TRDN: variants seen among roughly 807,000 people sequenced by gnomAD.
TRDN encodes triadin, also known as triadin in skeletal muscle.
In TRDN, 161 loss-of-function variants were observed where a neutral mutation model predicts 149.7. The observed-to-expected ratio is 1.08, with a 90% CI of 0.95 to 1.23. The LOEUF is 1.23. Ranked by LOEUF, TRDN falls within the 50% of genes most tolerant of loss-of-function variation. TRDN has a pLI of 0.00. For synonymous variants in TRDN, 294 were observed against 250.5 expected, an observed-to-expected ratio of 1.17 and a Z score of -1.64; for missense variants, 896 against 823.5, an observed-to-expected ratio of 1.09 and a Z score of -1.08.
chr6:123,617,665 C>T lies in TRDN; in HGVS notation c.22+19089G>A, dbSNP rs949011927. On this transcript the variant is annotated intron_variant, in intron 1 of 40. Coordinates refer to ENST00000334268, the MANE Select transcript of TRDN (RefSeq NM_006073.4). The stretch of plus-strand genomic sequence containing the variant: ...TGATAAAGGAACTCCTTTTTAGTTT[C>T]AGATTGCTAATATAAAAGGGAGACT... 5.9e-5 allele frequency among the ~76,000 whole-genome samples: 9 copies of T among 152,192 alleles called. No individual in the cohort carries two copies. In the East Asian group the frequency reaches 1.7e-3, roughly 29 times the overall value.
chr6:123,595,120 C>A (rs1367676422), intron 1 of TRDN, among the ~76,000 whole-genome samples: 2 of 152,036 alleles, frequency 1.3e-5, no homozygotes, highest in Non-Finnish European at 2.9e-5. Flanking sequence ...TGGTGTCCTG[C>A]AAATTATTTC....
chr6:123,614,628 TA>T (rs1784994574), intron 1 of TRDN, among the ~76,000 whole-genome samples: 1 of 151,796 alleles, frequency 6.6e-6, no homozygotes, highest in South Asian at 2.1e-4. Flanking sequence ...AATTTTAAAT[TA>T]AAATTTATGC....
At chr6:123,309,180 A>G (rs1778721657) in intron 24 of TRDN, among the ~76,000 whole-genome samples, 1 of 151,922 alleles carries the variant, frequency 6.6e-6, no homozygotes, top group Non-Finnish European at 1.5e-5. Flanking sequence ...GGCCTCAAGA[A>G]TCCAAATTTC....
chr6:123,534,617 C>T (rs1048443144), intron 4 of TRDN, among the ~76,000 whole-genome samples: 1 of 152,070 alleles, frequency 6.6e-6, no homozygotes, highest in African/African-American at 2.4e-5. Flanking sequence ...TTGCTCTTTC[C>T]AGCTAAGGCT....
rs560959884 is a variant in TRDN, at chr6:123,503,332, C to G, written c.793+387G>C. On this transcript the variant is annotated intron_variant, in intron 8 of 40. Transcript: ENST00000334268. Reference sequence around the variant, plus strand: ...TCCAACATGTACCCCTTCACAAACTCCTTAGGAATTGCTGTCATTTTGGGG... The same window carrying G: ...TCCAACATGTACCCCTTCACAAACTGCTTAGGAATTGCTGTCATTTTGGGG... 153 of 985,256 alleles carry G rather than the reference C, an allele frequency of 1.6e-4. 2 individuals are homozygous for G. The South Asian group carries it at 6.6e-3, about 43-fold the overall frequency. The allele number at this position is 985,256 out of a possible 1,614,324, so 61.0% of individuals were successfully genotyped here.
intron 2 of TRDN, among the ~76,000 whole-genome samples, chr6:123,563,111 G>A (rs1208709076): frequency 1.3e-5 from 2 of 152,162 alleles, no homozygotes; most frequent in South Asian, 2.1e-4. Context: ...GGTTATTTCA[G>A]TATATAATTG....
At chr6:123,520,204 T>G (rs1196971868) in intron 5 of TRDN, among the ~76,000 whole-genome samples, 3 of 152,138 alleles carry the variant, frequency 2.0e-5, no homozygotes, top group Non-Finnish European at 2.9e-5. Flanking sequence ...AAATGCAATA[T>G]TGAGTTAAAA....
intron 12 of TRDN, among the ~76,000 whole-genome samples, chr6:123,396,788 G>A (rs1227648986): frequency 6.6e-6 from 1 of 152,122 alleles, no homozygotes; most frequent in African/African-American, 2.4e-5. Flanking sequence ...GCCAATTTTT[G>A]CACAGAGATT....
intron 1 of TRDN, among the ~76,000 whole-genome samples, chr6:123,619,208 TA>T (rs1785253763): frequency 6.6e-6 from 1 of 152,206 alleles, no homozygotes; most frequent in Non-Finnish European, 1.5e-5. Context: ...TTTAGTGGCC[TA>T]AAACAACTGT....
intron 4 of TRDN, among the ~76,000 whole-genome samples, chr6:123,541,245 T>C (rs1780821278): frequency 6.6e-6 from 1 of 152,166 alleles, no homozygotes; most frequent in South Asian, 2.1e-4. Context: ...TTCCTTCTGA[T>C]GTTGGCACCA....
intron 9 of TRDN, among the ~76,000 whole-genome samples, chr6:123,487,708 T>C (rs1778034260): frequency 6.6e-6 from 1 of 152,142 alleles, no homozygotes; most frequent in South Asian, 2.1e-4. Flanking sequence ...GTTTATCCTC[T>C]TTTCAGTCTG....
intron 21 of TRDN, chr6:123,351,339 T>C (rs369895777): frequency 2.1e-6 from 2 of 970,172 alleles, no homozygotes; most frequent in East Asian, 1.1e-4. Flanking sequence ...ATAATTACCT[T>C]TATTTTTTAA....
At chr6:123,349,804 A>T in intron 21 of TRDN, 1 of 985,106 alleles carries the variant, frequency 1.0e-6, no homozygotes, top group South Asian at 4.7e-5. Flanking sequence ...TAAAAAGACC[A>T]GTGCATACAC....
intron 7 of TRDN, among the ~76,000 whole-genome samples, chr6:123,505,428 C>T (rs9320941): frequency 0.83 from 126,124 of 151,946 alleles, 52,544 homozygotes; most frequent in East Asian, 0.88. Flanking sequence ...TCTGTGGTAT[C>T]GCACTTAATT....
intron 12 of TRDN, among the ~76,000 whole-genome samples, chr6:123,413,763 A>G (rs1337041697): frequency 6.6e-6 from 1 of 152,128 alleles, no homozygotes; most frequent in African/African-American, 2.4e-5. Flanking sequence ...CTTGCCTATT[A>G]TAACAGACAT....
chr6:123,327,792 C>T (rs1474949948), intron 23 of TRDN, among the ~76,000 whole-genome samples: 3 of 151,858 alleles, frequency 2.0e-5, no homozygotes, highest in African/African-American at 7.3e-5. Flanking sequence ...TTTGATTATC[C>T]CTTTTCAATT....
chr6:123,535,802 T>C (rs1780499058), intron 4 of TRDN, among the ~76,000 whole-genome samples: 1 of 152,166 alleles, frequency 6.6e-6, no homozygotes, highest in Non-Finnish European at 1.5e-5. Context: ...TTATTTTAAT[T>C]ATTTTAATAA....
intron 35 of TRDN, among the ~76,000 whole-genome samples, chr6:123,258,162 C>T (rs1180669739): frequency 6.6e-6 from 1 of 152,126 alleles, no homozygotes; most frequent in African/African-American, 2.4e-5. Context: ...CCAGAACTTC[C>T]AATACTATGT....
chr6:123,448,414 C>T (rs1190403765), intron 10 of TRDN, among the ~76,000 whole-genome samples: 1 of 152,118 alleles, frequency 6.6e-6, no homozygotes, highest in Non-Finnish European at 1.5e-5. Flanking sequence ...GGGAGTGAGA[C>T]TGGCCCTTTG....
Sources: gnomAD v4.1 joint callset for allele counts (sites outside exome capture counted in the v4.1 genomes callset) on GRCh38, gnomAD v4.1.1 for gene constraint, MANE v1.5 for transcripts, NCBI Gene and HGNC (gene_info 2026-07-23, HGNC 2026-07-21) for gene names.